Variants in PAPPA2 observed in about 807,000 individuals in gnomAD.
PAPPA2 encodes pappalysin 2, also known as pappalysin-2.
Under a neutral mutation model 176.4 loss-of-function variants are expected in PAPPA2, and 86 were observed. The observed-to-expected ratio is 0.49, with a 90% CI of 0.41 to 0.58. PAPPA2 has a LOEUF of 0.58. Among genes scored for constraint, PAPPA2 ranks in the 20% least tolerant of loss-of-function variants. The pLI, the probability that PAPPA2 is intolerant of heterozygous loss-of-function variation, is 0.00. For synonymous variants in PAPPA2, 809 were observed against 852.2 expected (o/e 0.95, Z 0.88); for missense variants, 2,073 against 2,256.9 (o/e 0.92, Z 1.65).
At chr1:176,610,348 G>T (rs895185784) in intron 3 of PAPPA2, among the ~76,000 whole-genome samples, 7 of 136,604 alleles carry the variant, frequency 5.1e-5, no homozygotes, top group East Asian at 5.8e-4. Flanking sequence ...TGTGTGTGGG[G>T]GGGGGGAGTA....
chr1:176,713,197 C>T (rs538281506), intron 12 of PAPPA2, among the ~76,000 whole-genome samples: 4 of 151,418 alleles, frequency 2.6e-5, no homozygotes, highest in African/African-American at 9.7e-5. Flanking sequence ...GCTCTGTTTT[C>T]CAGGCTGGAA....
chr1:176,807,136 A>G (rs1349470684), intron 21 of PAPPA2, among the ~76,000 whole-genome samples: 1 of 152,226 alleles, frequency 6.6e-6, no homozygotes. Flanking sequence ...TGATAAACAT[A>G]ATTGAGTATG....
chr1:176,699,483 T>C lies in PAPPA2; in HGVS notation c.3130T>C (p.Leu1044=), dbSNP rs1342753467. Reference sequence around the variant, plus strand: ...CCTGACTTCTCAGCCCCACAGTCCCTTGTGCTCTGGCTGCAGGCCTGTGAG... The same window carrying C: ...CCTGACTTCTCAGCCCCACAGTCCCCTGTGCTCTGGCTGCAGGCCTGTGAG... The part of the protein sequence containing the change: ...ALLTSQPHSP[L]CSGCRPVRYQ... The change falls in exon 8 of 23, where the codon TTG becomes CTG. Residue 1044 remains leucine, a synonymous_variant. Transcript: ENST00000367662. 2.5e-6 allele frequency: 4 copies of C among 1,614,088 alleles called. No homozygotes were observed. Among genetic ancestry groups the C allele is most frequent in the Middle Eastern group, 1.6e-4 (1 of 6,062 alleles).
chr1:176,665,400 G>GAA (rs1284947523), intron 3 of PAPPA2, among the ~76,000 whole-genome samples: 2 of 152,044 alleles, frequency 1.3e-5, no homozygotes, highest in Non-Finnish European at 2.9e-5. Flanking sequence ...CTATTTCTCT[G>GAA]GGGAAAAGCT....
intron 12 of PAPPA2, among the ~76,000 whole-genome samples, chr1:176,717,881 T>C (rs1322095370): frequency 2.6e-5 from 4 of 152,242 alleles, no homozygotes; most frequent in African/African-American, 4.8e-5. Flanking sequence ...TGGTTTTTCA[T>C]CTACATTCAT....
At chr1:176,529,227 A>T (rs1387506174) in intron 1 of PAPPA2, among the ~76,000 whole-genome samples, 1 of 152,132 alleles carries the variant, frequency 6.6e-6, no homozygotes, top group Non-Finnish European at 1.5e-5. Context: ...CAGGTGGGAA[A>T]AAAAGAGACG....
chr1:176,604,097 G>A (rs1393806987), intron 3 of PAPPA2, among the ~76,000 whole-genome samples: 1 of 151,916 alleles, frequency 6.6e-6, no homozygotes, highest in Non-Finnish European at 1.5e-5. Context: ...CACTTTTCTG[G>A]AATATTCTTC....
At chr1:176,524,298 A>C (rs1649364454) in intron 1 of PAPPA2, among the ~76,000 whole-genome samples, 1 of 152,284 alleles carries the variant, frequency 6.6e-6, no homozygotes, top group East Asian at 1.9e-4. Flanking sequence ...GAGAATTTGC[A>C]ATATGGTGCC....
At chr1:176,818,347 A>G (rs1212823798) in intron 21 of PAPPA2, among the ~76,000 whole-genome samples, 1 of 152,190 alleles carries the variant, frequency 6.6e-6, no homozygotes, top group Non-Finnish European at 1.5e-5. Flanking sequence ...AACAATAACT[A>G]AAGACAAAGT....
At chr1:176,471,599 C>G (rs1572941963) in intron 1 of PAPPA2, among the ~76,000 whole-genome samples, 1 of 152,120 alleles carries the variant, frequency 6.6e-6, no homozygotes, top group South Asian at 2.1e-4. Context: ...TTTCTGCCTC[C>G]CTCCCCATGA....
chr1:176,818,615 G>A (rs888806487), intron 21 of PAPPA2, among the ~76,000 whole-genome samples: 8 of 21,484 alleles, frequency 3.7e-4, no homozygotes, highest in Non-Finnish European at 5.5e-4. Context: ...CTGCCCCCCT[G>A]GTATGAGCCA....
At chr1:176,822,795 G>A (rs1666715486) in intron 21 of PAPPA2, among the ~76,000 whole-genome samples, 1 of 152,066 alleles carries the variant, frequency 6.6e-6, no homozygotes, top group African/African-American at 2.4e-5. Context: ...ATCTTTTACT[G>A]GCCAGAGATA....
chr1:176,832,086 C>A (rs1339806576), intron 21 of PAPPA2, among the ~76,000 whole-genome samples: 1 of 152,164 alleles, frequency 6.6e-6, no homozygotes, highest in Non-Finnish European at 1.5e-5. Flanking sequence ...ACAATTCAGG[C>A]ACCAACCTGC....
At chr1:176,583,393 G>A (rs1217213483) in intron 2 of PAPPA2, among the ~76,000 whole-genome samples, 1 of 151,872 alleles carries the variant, frequency 6.6e-6, no homozygotes, top group Non-Finnish European at 1.5e-5. Flanking sequence ...CTTTGGCTGT[G>A]TTCCATAGGT....
intron 12 of PAPPA2, among the ~76,000 whole-genome samples, chr1:176,736,246 A>C (rs1024778896): frequency 2.0e-5 from 3 of 151,920 alleles, no homozygotes; most frequent in Non-Finnish European, 2.9e-5. Context: ...CTACTGTCAA[A>C]CTGTCTTCCT....
chr1:176,601,913 T>G (rs1362014461), intron 3 of PAPPA2, among the ~76,000 whole-genome samples: 1 of 152,236 alleles, frequency 6.6e-6, no homozygotes, highest in Non-Finnish European at 1.5e-5. Flanking sequence ...ATCCCATGCT[T>G]TCTCTCCTTT....
At chr1:176,753,268 T>G (rs1197282364) in intron 14 of PAPPA2, among the ~76,000 whole-genome samples, 2 of 152,230 alleles carry the variant, frequency 1.3e-5, no homozygotes, top group African/African-American at 2.4e-5. Flanking sequence ...CCATCCCTGC[T>G]GTAATCAGTC....
chr1:176,736,344 AT>A (rs1170449907), intron 12 of PAPPA2, among the ~76,000 whole-genome samples: 1 of 151,692 alleles, frequency 6.6e-6, no homozygotes, highest in Non-Finnish European at 1.5e-5. Flanking sequence ...CTATATATAT[AT>A]AAAATGTATT....
intron 21 of PAPPA2, among the ~76,000 whole-genome samples, chr1:176,832,304 T>C (rs554977339): frequency 6.6e-6 from 1 of 152,294 alleles, no homozygotes; most frequent in East Asian, 1.9e-4. Flanking sequence ...AGATTCTGAT[T>C]GTTGGTAAGG....
Sources: gnomAD v4.1 joint callset for allele counts (sites outside exome capture counted in the v4.1 genomes callset) on GRCh38, gnomAD v4.1.1 for gene constraint, MANE v1.5 for transcripts, NCBI Gene and HGNC (gene_info 2026-07-23, HGNC 2026-07-21) for gene names.